RAE1: variants seen among roughly 807,000 people sequenced by gnomAD.
The protein encoded by RAE1 is mRNA export factor RAE1.
In RAE1, 13 loss-of-function variants were observed where a neutral mutation model predicts 52.7. That is an observed-to-expected ratio of 0.25 (90% CI 0.16 to 0.39). RAE1 has a LOEUF of 0.39. RAE1 is among the 10% of genes least tolerant of loss of function. The pLI is 1.00. For missense variants in RAE1, 262 were observed against 459.8 expected, an observed-to-expected ratio of 0.57 and a Z score of 3.93; for synonymous variants, 164 against 153.1, an observed-to-expected ratio of 1.07 and a Z score of -0.52.
intron 5 of RAE1, among the ~76,000 whole-genome samples, chr20:57,366,322 A>G (rs1180875789): frequency 6.6e-6 from 1 of 152,180 alleles, no homozygotes; most frequent in Non-Finnish European, 1.5e-5. Flanking sequence ...GAGACTGGGT[A>G]ATTTATAGAG....
At chr20:57,363,794 G>A (rs891697408) in intron 4 of RAE1, among the ~76,000 whole-genome samples, 3 of 152,186 alleles carry the variant, frequency 2.0e-5, no homozygotes, top group Admixed American at 1.3e-4. Context: ...GAGATAAAGT[G>A]GAAATCAAAG....
At position 57,351,262 on chromosome 20, in the gene RAE1, C is replaced by T. The variant is rs73291813; in HGVS notation, c.-168C>T. ...CCAGGGCGCACGCGCGTTGTTTCCG[C>T]GGTAGTCAGGGCAGTTTCTACCGCA... On this transcript the variant is annotated 5_prime_UTR_variant, in exon 1 of 12. Coordinates refer to ENST00000395841, the MANE Select transcript of RAE1 (RefSeq NM_003610.4). 4,356 of 985,408 alleles carry T rather than the reference C, an allele frequency of 4.4e-3. 141 individuals are homozygous for T. The African/African-American group carries it at 0.069, about 16-fold the overall frequency. The allele number at this position is 985,408 out of a possible 1,614,324, so 61.0% of individuals were successfully genotyped here. A position where few individuals can be genotyped will look rare whatever the true frequency, so the allele number is the denominator to read the frequency against.
intron 11 of RAE1, among the ~76,000 whole-genome samples, chr20:57,376,497 C>T (rs777515424): frequency 9.2e-5 from 14 of 152,218 alleles, no homozygotes; most frequent in East Asian, 5.8e-4. Context: ...ATTTTCCCCT[C>T]GCCCCAGCTT....
intron 7 of RAE1, among the ~76,000 whole-genome samples, chr20:57,368,216 T>C (rs145855895): frequency 1.4e-3 from 220 of 152,312 alleles, no homozygotes; most frequent in African/African-American, 5.0e-3. Flanking sequence ...TAGTGAAACA[T>C]TGGAAGTGGC....
intron 7 of RAE1, among the ~76,000 whole-genome samples, chr20:57,367,967 GC>G: frequency 6.6e-6 from 1 of 152,202 alleles, no homozygotes; most frequent in Non-Finnish European, 1.5e-5. Flanking sequence ...TCAGCTCACT[GC>G]AACCTCTGCC....
chr20:57,371,684 C>T (rs2146171940), intron 8 of RAE1: 1 of 152,316 alleles, frequency 6.6e-6, no homozygotes, highest in East Asian at 1.9e-4. Flanking sequence ...ACCATACGAT[C>T]TAGCAGTTCC....
intron 11 of RAE1, among the ~76,000 whole-genome samples, chr20:57,376,596 G>A (rs574092891): frequency 1.3e-5 from 2 of 152,316 alleles, no homozygotes; most frequent in South Asian, 2.1e-4. Flanking sequence ...TAGTATTCCC[G>A]GGTGGGGTGT....
At chr20:57,357,613 G>A (rs1343840300) in intron 4 of RAE1, 2 of 152,160 alleles carry the variant, frequency 1.3e-5, no homozygotes, top group African/African-American at 4.8e-5. Flanking sequence ...TAAATTTGTG[G>A]TATAGAGTTC....
At chr20:57,356,422 C>T (rs1302165476) in intron 3 of RAE1, 24 bp from the exon 4 acceptor site, 2 of 1,582,770 alleles carry the variant, frequency 1.3e-6, no homozygotes, top group African/African-American at 2.7e-5. Flanking sequence ...GCTTTGTTTG[C>T]ATTGAATTTT....
At position 57,364,116 on chromosome 20, in the gene RAE1, A is replaced by G. The variant is rs1416731708; in HGVS notation, c.289-1240A>G. On this transcript the variant is annotated intron_variant, in intron 4 of 11. Transcript: ENST00000395841. ...AAGGCACAGGGGCGCTAAAGACCCA[A>G]AGTTACCTTGGAGGCATAAAAGCCA... Among the ~76,000 whole-genome samples the G allele has an allele frequency of 2.6e-5, 4 of 152,218 alleles. No individual in the cohort carries two copies. The South Asian group carries it at 6.2e-4, about 24-fold the overall frequency.
intron 1 of RAE1, 41 bp downstream of exon 1, chr20:57,351,463 C>A: frequency 1.0e-6 from 1 of 985,494 alleles, no homozygotes; most frequent in South Asian, 4.7e-5. Context: ...TAACCGCCGC[C>A]ATGGCTCCCG....
intron 4 of RAE1, chr20:57,359,073 A>G: frequency 1.4e-6 from 2 of 1,452,654 alleles, no homozygotes; most frequent in Non-Finnish European, 1.8e-6. Flanking sequence ...ACAAGTGATT[A>G]TGCTACCTTC....
At chr20:57,374,329 T>C (rs987230639) in intron 10 of RAE1, among the ~76,000 whole-genome samples, 2 of 152,230 alleles carry the variant, frequency 1.3e-5, no homozygotes, top group African/African-American at 4.8e-5. Flanking sequence ...GAAATCTGTT[T>C]GCTCAAAAGA....
chr20:57,366,443 T>G (rs2066955237), intron 5 of RAE1, among the ~76,000 whole-genome samples: 1 of 152,160 alleles, frequency 6.6e-6, no homozygotes, highest in Admixed American at 6.5e-5. Context: ...GCACATCACA[T>G]GGCAAAAGCA....
chr20:57,368,932 A>G, intron 8 of RAE1, 120 bp downstream of exon 8: 5 of 757,300 alleles, frequency 6.6e-6, no homozygotes, highest in Non-Finnish European at 1.1e-5. Flanking sequence ...AGAGGGGTGA[A>G]TTGAAGGATA....
At chr20:57,377,055 G>T (rs1320590551) in intron 11 of RAE1, among the ~76,000 whole-genome samples, 1 of 152,222 alleles carries the variant, frequency 6.6e-6, no homozygotes, top group East Asian at 1.9e-4. Context: ...GCAAAGTCAT[G>T]ATCACATATG....
intron 3 of RAE1, 70 bp downstream of exon 3, chr20:57,354,886 G>A (rs947512498): frequency 1.2e-5 from 14 of 1,187,022 alleles, no homozygotes; most frequent in Admixed American, 1.1e-4. Context: ...CTTTAGCTCC[G>A]TTGTTTCCCA....
intron 4 of RAE1, among the ~76,000 whole-genome samples, chr20:57,362,277 G>A (rs1246195521): frequency 2.0e-5 from 3 of 152,194 alleles, no homozygotes; most frequent in African/African-American, 7.2e-5. Flanking sequence ...TTATTCAGTA[G>A]CAAGGATCAG....
At chr20:57,373,349 C>A (rs909333523) in intron 8 of RAE1, 126 bp from the exon 9 acceptor site, 12 of 838,584 alleles carry the variant, frequency 1.4e-5, no homozygotes, top group Non-Finnish European at 2.1e-5. Context: ...ACTGCTGTAT[C>A]ATATTTGAGT....
Sources: gnomAD v4.1 joint callset for allele counts (sites outside exome capture counted in the v4.1 genomes callset) on GRCh38, gnomAD v4.1.1 for gene constraint, MANE v1.5 for transcripts, NCBI Gene and HGNC (gene_info 2026-07-23, HGNC 2026-07-21) for gene names.